HSPBAP1: variants seen among roughly 807,000 people sequenced by gnomAD.
HSPBAP1 encodes the protein HSPB1-associated protein 1.
In HSPBAP1, 27 loss-of-function variants were observed where a neutral mutation model predicts 45.2. The observed-to-expected ratio is 0.60, with a 90% CI of 0.44 to 0.82. The LOEUF (loss-of-function observed/expected upper bound fraction) is 0.82, where lower values mean the gene tolerates loss of function less well. Ranked by LOEUF, HSPBAP1 falls within the 40% of genes least tolerant of loss-of-function variation. The pLI is 0.00. For synonymous variants in HSPBAP1, 204 were observed against 202.7 expected, an observed-to-expected ratio of 1.01 and a Z score of -0.06; for missense variants, 510 against 590.9, an observed-to-expected ratio of 0.86 and a Z score of 1.42.
chr3:122,784,111 G>A (rs1045448358), intron 1 of HSPBAP1, among the ~76,000 whole-genome samples: 1 of 152,056 alleles, frequency 6.6e-6, no homozygotes, highest in African/African-American at 2.4e-5. Context: ...CTACAGGCAT[G>A]AGCCACCATG....
chr3:122,787,892 A>G (rs1935702937), intron 1 of HSPBAP1, among the ~76,000 whole-genome samples: 1 of 152,240 alleles, frequency 6.6e-6, no homozygotes, highest in Non-Finnish European at 1.5e-5. Context: ...CACTATTTTA[A>G]AATGTCAACA....
At chr3:122,782,869 G>A (rs1006339980) in intron 1 of HSPBAP1, among the ~76,000 whole-genome samples, 1 of 152,198 alleles carries the variant, frequency 6.6e-6, no homozygotes, top group African/African-American at 2.4e-5. Flanking sequence ...TAAAGGTAAG[G>A]CTTGTTTTTA....
At chr3:122,792,692 G>A (rs980466067) in intron 1 of HSPBAP1, among the ~76,000 whole-genome samples, 4 of 152,030 alleles carry the variant, frequency 2.6e-5, no homozygotes, top group Admixed American at 2.0e-4. Flanking sequence ...GGCCAACATG[G>A]TGAAACCCCG....
intron 1 of HSPBAP1, 79 bp from the exon 2 acceptor site, chr3:122,777,985 A>C (rs901499833): frequency 1.1e-6 from 1 of 903,430 alleles, no homozygotes. Flanking sequence ...AATAGCTAAT[A>C]TTGTTTTTAT....
chr3:122,776,927 A>C (rs537562896), intron 2 of HSPBAP1, among the ~76,000 whole-genome samples: 2 of 152,360 alleles, frequency 1.3e-5, no homozygotes, highest in South Asian at 4.1e-4. Context: ...AGATATTAAT[A>C]AGCCACTTTA....
Position 122,740,755 on chromosome 3 carries a change from G to A in HSPBAP1, c.1057C>T (p.His353Tyr). Residue 353 changes from histidine (H) to tyrosine (Y), a missense_variant, in exon 8 of 8, where the codon CAC becomes TAC. Coordinates refer to ENST00000306103, the MANE Select transcript of HSPBAP1 (RefSeq NM_024610.6). ...EIQALRTDGEHMKKEELNVCN... is the reference protein window; with the variant it reads ...EIQALRTDGEYMKKEELNVCN... ...ACATTTAATTCTTCCTTTTTCATGT[G>A]CTCTCCATCTGTTCTCAGTGCTTGG... 1 of 1,614,010 alleles carries A rather than the reference G, an allele frequency of 6.2e-7. No homozygotes were observed.
At chr3:122,781,522 C>G (rs1330290285) in intron 1 of HSPBAP1, among the ~76,000 whole-genome samples, 1 of 152,126 alleles carries the variant, frequency 6.6e-6, no homozygotes. Flanking sequence ...CCAGCTTCGG[C>G]TTGGCACCAG....
At chr3:122,776,335 C>T (rs1935191857) in intron 2 of HSPBAP1, among the ~76,000 whole-genome samples, 1 of 152,178 alleles carries the variant, frequency 6.6e-6, no homozygotes, top group Admixed American at 6.5e-5. Context: ...TCATTTCTCA[C>T]AACCTCAGAG....
intron 3 of HSPBAP1, among the ~76,000 whole-genome samples, chr3:122,763,067 T>C (rs1327259553): frequency 6.6e-6 from 1 of 152,262 alleles, no homozygotes; most frequent in Non-Finnish European, 1.5e-5. Context: ...GGGATTATTA[T>C]ATCAGCTTGG....
chr3:122,755,565 G>A, intron 4 of HSPBAP1, 134 bp from the exon 5 acceptor site: 1 of 581,488 alleles, frequency 1.7e-6, no homozygotes, highest in Non-Finnish European at 2.7e-6. Flanking sequence ...CACCATCAGT[G>A]GTCACCTGTC....
intron 1 of HSPBAP1, among the ~76,000 whole-genome samples, chr3:122,791,545 G>GA (rs774110804): frequency 1.1e-4 from 16 of 152,182 alleles, no homozygotes; most frequent in African/African-American, 1.7e-4. Flanking sequence ...TGATCTAATG[G>GA]AAAAAACAAA....
chr3:122,778,975 T>C (rs996372814), intron 1 of HSPBAP1, among the ~76,000 whole-genome samples: 2 of 152,164 alleles, frequency 1.3e-5, no homozygotes, highest in Non-Finnish European at 2.9e-5. Context: ...AGAAGTCTCA[T>C]GGGATGTTTT....
At chr3:122,753,441 AGGGGG>A in intron 5 of HSPBAP1, 6 of 982,174 alleles carry the variant, frequency 6.1e-6, no homozygotes, top group Non-Finnish European at 7.3e-6. Context: ...AATTCTAAGT[AGGGGG>A]ATGGTTAAAA....
intron 1 of HSPBAP1, among the ~76,000 whole-genome samples, chr3:122,782,756 TTAAA>T (rs901306490): frequency 2.0e-5 from 3 of 152,244 alleles, no homozygotes; most frequent in Non-Finnish European, 4.4e-5. Flanking sequence ...AGAAAAATTC[TTAAA>T]TAATCCAAAT....
At position 122,740,831 on chromosome 3, in the gene HSPBAP1, T is replaced by G. The variant is rs370281068; in HGVS notation, c.981A>C (p.Ala327=). The change falls in exon 8 of 8, where the codon GCA becomes GCC. Residue 327 remains alanine (A), a synonymous_variant. Transcript: ENST00000306103. ...SHAVNCCYLN[A]AVSAFFDRCR... is the part of the protein sequence containing the mutation. ...AGCGATCAAAAAATGCAGAAACAGC[T>G]GCATTTAAGTAGCAACAGTTGACTG... 6.2e-7 allele frequency: 1 copy of G among 1,614,154 alleles called. No individual in the cohort carries two copies.
intron 6 of HSPBAP1, among the ~76,000 whole-genome samples, chr3:122,746,756 G>C (rs1292675679): frequency 6.6e-6 from 1 of 151,988 alleles, no homozygotes; most frequent in Non-Finnish European, 1.5e-5. Flanking sequence ...CTCCCTGCCT[G>C]ATTCTCCTGC....
chr3:122,770,552 T>A (rs1164658201), intron 2 of HSPBAP1, among the ~76,000 whole-genome samples: 1 of 151,940 alleles, frequency 6.6e-6, no homozygotes, highest in Non-Finnish European at 1.5e-5. Context: ...TACAAAAAAA[T>A]TAGCCAGATG....
intron 5 of HSPBAP1, 133 bp from the exon 6 acceptor site, chr3:122,752,807 T>C: frequency 7.2e-7 from 1 of 1,393,430 alleles, no homozygotes; most frequent in Non-Finnish European, 9.4e-7. Context: ...TGGAGAAAAG[T>C]AAAGTAAGAA....
chr3:122,752,140 G>T (rs1165651341), intron 6 of HSPBAP1, among the ~76,000 whole-genome samples: 1 of 152,206 alleles, frequency 6.6e-6, no homozygotes, highest in Non-Finnish European at 1.5e-5. Flanking sequence ...TAAAAACCTA[G>T]CACTGAAAGA....
Sources: allele counts gnomAD v4.1 joint callset (sites outside exome capture counted in the v4.1 genomes callset), GRCh38; gene constraint gnomAD v4.1.1; transcripts MANE v1.5; gene names NCBI Gene and HGNC (gene_info 2026-07-23, HGNC 2026-07-21).